The following TFDP2 variants were observed in gnomAD, a reference collection of about 807,000 sequenced individuals.
The protein encoded by TFDP2 is transcription factor Dp-2 (E2F dimerization partner 2).
Under a neutral mutation model 59.3 loss-of-function variants are expected in TFDP2, and 17 were observed. The ratio of observed to expected loss-of-function variants is 0.29; its 90% CI spans 0.20 to 0.43. The LOEUF is 0.43. Ranked by LOEUF, TFDP2 falls within the 20% of genes least tolerant of loss-of-function variation. The pLI is 1.00. For synonymous variants in TFDP2, 180 were observed against 194.7 expected, an observed-to-expected ratio of 0.92 and a Z score of 0.63; for missense variants, 391 against 528.8, an observed-to-expected ratio of 0.74 and a Z score of 2.56.
At chr3:142,091,517 G>A (rs931687870) in intron 3 of TFDP2, among the ~76,000 whole-genome samples, 4 of 151,560 alleles carry the variant, frequency 2.6e-5, no homozygotes, top group Non-Finnish European at 5.9e-5. Flanking sequence ...AGTGAGCCAA[G>A]ATCATGCCAC....
At chr3:142,046,945 A>G (rs1252083925) in intron 3 of TFDP2, among the ~76,000 whole-genome samples, 2 of 152,100 alleles carry the variant, frequency 1.3e-5, no homozygotes, top group Admixed American at 1.3e-4. Flanking sequence ...CACACATTCA[A>G]CCTGGGAAAA....
intron 4 of TFDP2, chr3:142,000,452 C>T (rs369669456): frequency 1.2e-5 from 6 of 519,120 alleles, no homozygotes; most frequent in East Asian, 6.0e-5. Flanking sequence ...TCATCACTTC[C>T]CAAAAGGCCC....
intron 3 of TFDP2, chr3:142,043,983 T>A (rs61729572): frequency 1.4e-6 from 1 of 717,396 alleles, no homozygotes; most frequent in South Asian, 1.5e-5. Context: ...TGTGCCTGCC[T>A]TCCGGCGGGC....
intron 6 of TFDP2, among the ~76,000 whole-genome samples, chr3:141,981,480 C>T (rs968301428): frequency 2.6e-5 from 4 of 152,214 alleles, no homozygotes; most frequent in South Asian, 2.1e-4. Flanking sequence ...GAAAGAGATA[C>T]TAAACATGCA....
rs145896734 is a variant in TFDP2, at chr3:141,989,876, T to TTAA, written c.356+3659_356+3661dup. Among the ~76,000 whole-genome samples the TTAA allele has an allele frequency of 2.3e-4, 34 of 145,832 alleles. No individual in the cohort carries two copies. The South Asian group carries it at 5.7e-3, about 25-fold the overall frequency. On this transcript the variant is annotated intron_variant, in intron 6 of 12. Coordinates refer to ENST00000489671, the MANE Select transcript of TFDP2 (RefSeq NM_001178139.2). Reference sequence around the variant, plus strand: ...TTTACAGCACTTTTACAGATTTACTTTAATAATAATAATAATAATTATTAT... The same window carrying TTAA: ...TTTACAGCACTTTTACAGATTTACTTTAATAATAATAATAATAATAATTATTAT...
chr3:142,004,842 C>T (rs1232038632), intron 4 of TFDP2, among the ~76,000 whole-genome samples: 1 of 152,020 alleles, frequency 6.6e-6, no homozygotes, highest in Non-Finnish European at 1.5e-5. Flanking sequence ...TAACACATTT[C>T]AAATCAATTT....
intron 1 of TFDP2, 24 bp from the exon 2 acceptor site, chr3:142,101,865 T>C (rs935417606): frequency 8.9e-5 from 47 of 528,726 alleles, no homozygotes; most frequent in Middle Eastern, 6.5e-4. Context: ...ACAGAGGGAA[T>C]AGTAATGTAA....
At chr3:142,027,295 A>G (rs1468434687) in intron 3 of TFDP2, among the ~76,000 whole-genome samples, 1 of 152,048 alleles carries the variant, frequency 6.6e-6, no homozygotes, top group African/African-American at 2.4e-5. Flanking sequence ...ATATAAAATA[A>G]TAAATTTTAA....
In TFDP2 at chr3:141,947,270, A is replaced by T. The variant is rs369947913; in HGVS notation, c.*5243T>A. On this transcript the variant is annotated 3_prime_UTR_variant, in exon 13 of 13. Transcript: ENST00000489671. ...TTGCTTTGGGTGCATGAATATGGGA[A>T]CCCATTTGGGAAAACGGTTCTTAGA... 11 of 152,168 alleles carry T rather than the reference A, an allele frequency of 7.2e-5. No individual in the cohort carries two copies. In the East Asian group the frequency reaches 1.3e-3, roughly 19 times the overall value. 9.4% of individuals were successfully genotyped at this position (152,168 alleles called of 1,614,324 possible).
chr3:141,970,085 T>A lies in TFDP2; in HGVS notation c.720A>T (p.Glu240Asp). ...TCGGTATCTTTACCTGTAGGAGAAG[T>A]TCTTGCAGCTGGGCCCGCTTCTGCT... ...RIKQKRAQLQ[E>D]LLLQQIAFKN... is the part of the protein sequence containing the mutation. The change falls in exon 9 of 13, where the codon GAA becomes GAT. Residue 240 changes from glutamate (E) to aspartate (D), a missense_variant. By Grantham distance (45) the Glu-to-Asp change is conservative (BLOSUM62 2). Coordinates refer to ENST00000489671, the MANE Select transcript of TFDP2 (RefSeq NM_001178139.2). 1.2e-6 allele frequency: 2 copies of A among 1,614,092 alleles called. No homozygotes were observed. Among genetic ancestry groups the A allele is most frequent in the Non-Finnish European group, 1.7e-6 (2 of 1,179,980 alleles).
intron 1 of TFDP2, among the ~76,000 whole-genome samples, chr3:142,124,768 G>A (rs903592040): frequency 5.9e-5 from 9 of 151,914 alleles, no homozygotes; most frequent in African/African-American, 2.2e-4. Context: ...TAAATCATAA[G>A]AAAATAAACT....
chr3:141,954,592 G>A (rs1967282), intron 11 of TFDP2, among the ~76,000 whole-genome samples: 97,340 of 151,332 alleles, frequency 0.64, 31,943 homozygotes, highest in East Asian at 0.73. Flanking sequence ...AGCTGAGATC[G>A]TGCCACTGCA....
chr3:142,140,666 C>T (rs1026608605), intron 1 of TFDP2, among the ~76,000 whole-genome samples: 7 of 152,202 alleles, frequency 4.6e-5, no homozygotes, highest in Non-Finnish European at 1.0e-4. Context: ...CCACTCCAGA[C>T]CCCGTTTGCC....
intron 6 of TFDP2, among the ~76,000 whole-genome samples, chr3:141,984,608 G>A (rs1941877075): frequency 6.6e-6 from 1 of 152,186 alleles, no homozygotes; most frequent in African/African-American, 2.4e-5. Flanking sequence ...TAGTGTTGTT[G>A]CTTCATGGGG....
intron 3 of TFDP2, among the ~76,000 whole-genome samples, chr3:142,089,122 T>A (rs73233853): frequency 0.085 from 12,943 of 152,012 alleles, 694 homozygotes; most frequent in Middle Eastern, 0.14. Flanking sequence ...AGTCACTGCG[T>A]CCAGCAGGGT....
At chr3:141,956,891 C>T (rs955172489) in intron 11 of TFDP2, among the ~76,000 whole-genome samples, 5 of 151,694 alleles carry the variant, frequency 3.3e-5, no homozygotes, top group African/African-American at 1.2e-4. Context: ...CGCCACTGCA[C>T]TCCAGCCTGG....
intron 7 of TFDP2, among the ~76,000 whole-genome samples, chr3:141,976,826 T>C (rs1364047016): frequency 6.8e-6 from 1 of 146,098 alleles, no homozygotes; most frequent in Non-Finnish European, 1.5e-5. Flanking sequence ...AAAAAGAAAA[T>C]CACATATAAT....
At chr3:142,050,978 T>G (rs915384949) in intron 3 of TFDP2, among the ~76,000 whole-genome samples, 3 of 152,238 alleles carry the variant, frequency 2.0e-5, no homozygotes, top group Non-Finnish European at 4.4e-5. Flanking sequence ...TAAGGTTGAT[T>G]CTAAAATTTA....
chr3:141,995,883 CAAAA>C lies in TFDP2; in HGVS notation c.187-746_187-743del, dbSNP rs146557075. Among the ~76,000 whole-genome samples, 87 of 67,936 alleles carry C rather than the reference CAAAA, an allele frequency of 1.3e-3. 1 individual carries two copies. In the South Asian group the frequency reaches 0.046, roughly 36 times the overall value. The allele number at this position is 67,936 out of a possible 152,430, so 44.6% of individuals were successfully genotyped here. A position where few individuals can be genotyped will look rare whatever the true frequency, so the allele number is the denominator to read the frequency against. ...GGGCAAAAAGAGCAAAACTCCATTT[CAAAA>C]AAAAAAAAAAAAAAAAAAAAGAGTA... is the stretch of plus-strand genomic sequence containing the variant. On this transcript the variant is annotated intron_variant, in intron 4 of 12. Transcript: ENST00000489671.
Sources: gnomAD v4.1 joint callset for allele counts (sites outside exome capture counted in the v4.1 genomes callset) on GRCh38, gnomAD v4.1.1 for gene constraint, MANE v1.5 for transcripts, NCBI Gene and HGNC (gene_info 2026-07-23, HGNC 2026-07-21) for gene names.